PLCL1: variants seen among roughly 807,000 people sequenced by gnomAD.
PLCL1 encodes inactive phospholipase C-like protein 1.
In PLCL1, 41 loss-of-function variants were observed where a neutral mutation model predicts 84.4. The ratio of observed to expected loss-of-function variants is 0.49; its 90% confidence interval spans 0.38 to 0.63. The LOEUF (loss-of-function observed/expected upper bound fraction) is 0.63, where lower values mean the gene tolerates loss of function less well. PLCL1 is among the 30% of genes least tolerant of loss of function. The probability of loss-of-function intolerance (pLI) is 0.00; values close to 1 mark genes in which losing one functional copy is unlikely to be tolerated. For synonymous variants in PLCL1, 490 were observed against 488.3 expected (o/e 1.00, Z -0.05); for missense variants, 1,206 against 1,367.8 (o/e 0.88, Z 1.87).
At chr2:198,087,443 A>C (rs1028138643) in intron 2 of PLCL1, among the ~76,000 whole-genome samples, 6 of 152,190 alleles carry the variant, frequency 3.9e-5, no homozygotes, top group African/African-American at 1.4e-4. Context: ...TGCAATGTGC[A>C]AAGTGGATAT....
chr2:197,904,599 C>G (rs890661522), intron 1 of PLCL1, among the ~76,000 whole-genome samples: 8 of 152,050 alleles, frequency 5.3e-5, no homozygotes, highest in African/African-American at 1.9e-4. Context: ...GTTTCTTGTG[C>G]CATCACAGAG....
intron 3 of PLCL1, among the ~76,000 whole-genome samples, chr2:198,090,487 A>G (rs1190590090): frequency 6.6e-6 from 1 of 152,198 alleles, no homozygotes; most frequent in Non-Finnish European, 1.5e-5. Flanking sequence ...AGATTTTGTC[A>G]TTAAAAAACA....
At chr2:197,967,639 C>G (rs1226953263) in intron 1 of PLCL1, among the ~76,000 whole-genome samples, 1 of 152,136 alleles carries the variant, frequency 6.6e-6, no homozygotes, top group African/African-American at 2.4e-5. Context: ...ATTTACTTGA[C>G]AGTTAAAAAG....
At chr2:197,899,098 G>A (rs190243910) in intron 1 of PLCL1, among the ~76,000 whole-genome samples, 42 of 152,238 alleles carry the variant, frequency 2.8e-4, no homozygotes, top group Middle Eastern at 6.8e-3. Context: ...CAGACACTGG[G>A]AATAGTGTTA....
In PLCL1 at chr2:198,046,434, G is replaced by A. The variant is rs145386594; in HGVS notation, c.241-37324G>A. On this transcript the variant is annotated intron_variant, in intron 1 of 5. Coordinates refer to ENST00000428675, the MANE Select transcript of PLCL1 (RefSeq NM_006226.4). Reference sequence around the variant, plus strand: ...GTCTACAGCTCCCAGCGTGAGCGACGCAGAAGACGGGTGATTTCTGCTTTG... The same window carrying A: ...GTCTACAGCTCCCAGCGTGAGCGACACAGAAGACGGGTGATTTCTGCTTTG... Among the ~76,000 whole-genome samples the A allele has an allele frequency of 1.1e-3, 166 of 152,304 alleles. 1 individual carries two copies. The highest frequency in any genetic ancestry group is 3.8e-3 in the African/African-American group (156 of 41,574).
chr2:198,012,460 T>C (rs897996760), intron 1 of PLCL1, among the ~76,000 whole-genome samples: 1 of 152,146 alleles, frequency 6.6e-6, no homozygotes, highest in East Asian at 1.9e-4. Flanking sequence ...TAGTGCTAAA[T>C]TGAGTCTCTT....
intron 1 of PLCL1, among the ~76,000 whole-genome samples, chr2:198,052,988 C>A (rs551706137): frequency 3.4e-4 from 52 of 152,228 alleles, no homozygotes; most frequent in Admixed American, 3.3e-4. Flanking sequence ...AGCTGAAGGG[C>A]AACTGACAAG....
chr2:197,966,589 C>G (rs1042483880), intron 1 of PLCL1, among the ~76,000 whole-genome samples: 1 of 152,112 alleles, frequency 6.6e-6, no homozygotes, highest in Non-Finnish European at 1.5e-5. Context: ...CATAGATTCT[C>G]TCTTTGAACA....
chr2:198,040,532 C>A (rs1054371747), intron 1 of PLCL1, among the ~76,000 whole-genome samples: 1 of 152,154 alleles, frequency 6.6e-6, no homozygotes, highest in Admixed American at 6.5e-5. Context: ...TGGGTCCAAA[C>A]TGCTTCTCCT....
chr2:197,804,978 TG>T lies in PLCL1; in HGVS notation c.-119del. On this transcript the variant is annotated 5_prime_UTR_variant, in exon 1 of 6. The change abolishes the stop of an existing upstream ORF in the 5' untranslated region. Transcript: ENST00000428675. Reference sequence around the variant, plus strand: ...CCGCCGCCGCCGCCACTGCCGCCGCTGGGCGGTGAAACAAAGTCTGGCGGGG... The same window carrying T: ...CCGCCGCCGCCGCCACTGCCGCCGCTGGCGGTGAAACAAAGTCTGGCGGGG... 8.2e-7 allele frequency: 1 copy of T among 1,219,642 alleles called. No individual in the cohort carries two copies. The highest frequency in any genetic ancestry group is 1.1e-6 in the Non-Finnish European group (1 of 915,310). The allele number at this position is 1,219,642 out of a possible 1,614,324, so 75.6% of individuals were successfully genotyped here. A position where few individuals can be genotyped will look rare whatever the true frequency, so the allele number is the denominator to read the frequency against.
chr2:197,930,816 G>A (rs1412716057), intron 1 of PLCL1, among the ~76,000 whole-genome samples: 2 of 152,190 alleles, frequency 1.3e-5, no homozygotes, highest in Non-Finnish European at 2.9e-5. Context: ...ACTCACAAAA[G>A]TTCCCACATA....
intron 1 of PLCL1, among the ~76,000 whole-genome samples, chr2:198,000,005 A>G (rs1465757956): frequency 1.3e-5 from 2 of 152,222 alleles, no homozygotes; most frequent in African/African-American, 4.8e-5. Context: ...CATTAAATAT[A>G]CAAATTTCCA....
At chr2:198,101,387 T>C (rs191512063) in intron 4 of PLCL1, 27 bp downstream of exon 4, 4 of 1,167,998 alleles carry the variant, frequency 3.4e-6, no homozygotes, top group East Asian at 2.4e-5. Flanking sequence ...TTTTTTTCTG[T>C]TTTTTTTTTC....
At chr2:197,918,152 A>T (rs1688631170) in intron 1 of PLCL1, among the ~76,000 whole-genome samples, 1 of 152,194 alleles carries the variant, frequency 6.6e-6, no homozygotes, top group Non-Finnish European at 1.5e-5. Context: ...ATGGCACCTT[A>T]CCTCTGTTGT....
chr2:198,011,767 TC>T (rs1224445870), intron 1 of PLCL1, among the ~76,000 whole-genome samples: 1 of 152,124 alleles, frequency 6.6e-6, no homozygotes, highest in Non-Finnish European at 1.5e-5. Context: ...CAATTTTGCT[TC>T]ATTTATTTAG....
At chr2:197,921,462 G>GA (rs1385559652) in intron 1 of PLCL1, among the ~76,000 whole-genome samples, 1 of 152,010 alleles carries the variant, frequency 6.6e-6, no homozygotes, top group Non-Finnish European at 1.5e-5. Context: ...TATTGGCGTG[G>GA]AAAAATGTCC....
chr2:198,004,704 C>A (rs953058995), intron 1 of PLCL1, among the ~76,000 whole-genome samples: 1 of 152,096 alleles, frequency 6.6e-6, no homozygotes, highest in Admixed American at 6.5e-5. Flanking sequence ...AAAGAATAGA[C>A]TTAAGAAAAA....
intron 5 of PLCL1, among the ~76,000 whole-genome samples, chr2:198,123,664 G>T (rs1693922176): frequency 6.6e-6 from 1 of 151,960 alleles, no homozygotes; most frequent in African/African-American, 2.4e-5. Flanking sequence ...TTAAGCTACA[G>T]AGCAAACCTC....
At chr2:197,966,613 AG>A (rs541437446) in intron 1 of PLCL1, among the ~76,000 whole-genome samples, 2 of 152,108 alleles carry the variant, frequency 1.3e-5, no homozygotes, top group Non-Finnish European at 2.9e-5. Flanking sequence ...CAGCTGCTGC[AG>A]GGGATGGGGA....
Sources: gnomAD v4.1 joint callset for allele counts (sites outside exome capture counted in the v4.1 genomes callset) on GRCh38, gnomAD v4.1.1 for gene constraint, MANE v1.5 for transcripts, NCBI Gene and HGNC (gene_info 2026-07-23, HGNC 2026-07-21) for gene names.